Variants in RBM38 observed in about 807,000 individuals in gnomAD.
RBM38 encodes the protein RNA-binding protein 38.
A neutral mutation model predicts 23.5 loss-of-function variants in RBM38; 11 were observed. The ratio of observed to expected loss-of-function variants is 0.47; its 90% CI spans 0.29 to 0.77. The LOEUF is 0.77. Among genes scored for constraint, RBM38 ranks in the 30% least tolerant of loss-of-function variants. RBM38 has a pLI of 0.08. For missense variants in RBM38, 330 were observed against 351.9 expected (o/e 0.94, Z 0.50); for synonymous variants, 165 against 166.1 (o/e 0.99, Z 0.05).
At chr20:57,405,279 G>A (rs1327992616) in intron 3 of RBM38, among the ~76,000 whole-genome samples, 1 of 152,232 alleles carries the variant, frequency 6.6e-6, no homozygotes. Context: ...GGGGCTCTGT[G>A]GTCTGCTCCT....
rs377081682 is a variant in RBM38, at chr20:57,407,658, G to T, written c.532G>T (p.Ala178Ser). Residue 178 changes from alanine to serine, a missense_variant, in exon 4 of 4, where the codon GCC becomes TCC. Ala to Ser is a moderately conservative substitution (Grantham distance 99, BLOSUM62 1). This residue lies in a region of RBM38 where 227 missense variants were observed against 216.4 expected (regional missense o/e 1.05). Coordinates refer to ENST00000356208, the MANE Select transcript of RBM38 (RefSeq NM_017495.6). The surrounding 1 kb of genome is among the most constrained non-coding windows in gnomAD (Gnocchi z 4.0). ...PYIEYTPASPAYAQYPPATYD... is the reference protein window; with the variant it reads ...PYIEYTPASPSYAQYPPATYD... ...CATTGAGTACACGCCGGCCAGCCCG[G>T]CCTACGCCCAGTACCCACCGGCCAC... The T allele has an allele frequency of 2.8e-5, 45 of 1,613,244 alleles. No homozygotes were observed. Among genetic ancestry groups the T allele is most frequent in the Non-Finnish European group, 3.5e-5 (41 of 1,179,842 alleles).
chr20:57,405,991 A>AG (rs2067379575), intron 3 of RBM38, among the ~76,000 whole-genome samples: 1 of 152,152 alleles, frequency 6.6e-6, no homozygotes, highest in Admixed American at 6.5e-5. Flanking sequence ...GCTTCCCTTG[A>AG]GGGGGGCCCC....
At chr20:57,401,951 C>T (rs532808521) in intron 3 of RBM38, among the ~76,000 whole-genome samples, 7 of 152,090 alleles carry the variant, frequency 4.6e-5, no homozygotes, top group South Asian at 4.2e-4. Context: ...TTGATGTTTT[C>T]GTTTGTTTGT....
intron 3 of RBM38, among the ~76,000 whole-genome samples, chr20:57,396,486 G>A (rs2146206421): frequency 6.6e-6 from 1 of 152,336 alleles, no homozygotes; most frequent in South Asian, 2.1e-4. Context: ...AGGGCACCGG[G>A]AGCAGAGGTT....
rs1392609922 is a variant in RBM38 at position 57,407,419 on chromosome 20, A to C, written c.417-124A>C. On this transcript the variant is annotated intron_variant, in intron 3 of 3. Coordinates refer to ENST00000356208, the MANE Select transcript of RBM38 (RefSeq NM_017495.6). This position sits in a 1 kb window ranked among gnomAD's most constrained non-coding sequence, Gnocchi z 4.0. The stretch of plus-strand genomic sequence containing the variant: ...CTGGCCAGGTGCTGTTTCTGTGCCC[A>C]TCTGACCGATGAGGAAAGTCGGGGC... The C allele has an allele frequency of 8.8e-7, 1 of 1,142,664 alleles. No individual in the cohort carries two copies. Among genetic ancestry groups the C allele is most frequent in the Admixed American group, 2.2e-5 (1 of 46,430 alleles). 70.8% of individuals were successfully genotyped at this position (1,142,664 alleles called of 1,614,324 possible). A position where few individuals can be genotyped will look rare whatever the true frequency, so the allele number is the denominator to read the frequency against.
rs73291901 is a variant in RBM38 at position 57,395,750 on chromosome 20, C to T, written c.416+2417C>T. ...CAGCTGTCTGCCCCCAGCCCCCGCCCGCTGACGGAGCTGGAGAGCTGGGCC... is the reference window on the plus strand; with the variant it reads ...CAGCTGTCTGCCCCCAGCCCCCGCCTGCTGACGGAGCTGGAGAGCTGGGCC... On this transcript the variant is annotated intron_variant, in intron 3 of 3. Coordinates refer to ENST00000356208, the MANE Select transcript of RBM38 (RefSeq NM_017495.6). Among the ~76,000 whole-genome samples the T allele has an allele frequency of 8.8e-3, 1,347 of 152,248 alleles. 21 individuals are homozygous for T. The highest frequency in any genetic ancestry group is 0.03 in the African/African-American group (1,260 of 41,542).
At chr20:57,398,695 C>T (rs746173055) in intron 3 of RBM38, among the ~76,000 whole-genome samples, 1 of 152,254 alleles carries the variant, frequency 6.6e-6, no homozygotes, top group Non-Finnish European at 1.5e-5. Flanking sequence ...GTGGCGGGGG[C>T]TCTTCTCCGA....
At chr20:57,403,577 A>C (rs6099605) in intron 3 of RBM38, among the ~76,000 whole-genome samples, 95 of 151,424 alleles carry the variant, frequency 6.3e-4, no homozygotes, top group African/African-American at 2.1e-3. Flanking sequence ...GCCTCTCTGA[A>C]CCTCGGATTT....
chr20:57,400,244 CTG>C (rs1447382547), intron 3 of RBM38, among the ~76,000 whole-genome samples: 11 of 152,208 alleles, frequency 7.2e-5, no homozygotes, highest in Non-Finnish European at 1.5e-5. Flanking sequence ...CCCTGAGTCT[CTG>C]TGGACAGAGT....
chr20:57,391,629 G>A lies in RBM38; in HGVS notation c.48G>A (p.Arg16=). 1 of 1,455,048 alleles carries A rather than the reference G, an allele frequency of 6.9e-7. No individual in the cohort carries two copies. Among genetic ancestry groups the A allele is most frequent in the Admixed American group, 2.4e-5 (1 of 41,828 alleles). 90.1% of individuals were successfully genotyped at this position (1,455,048 alleles called of 1,614,324 possible). A position where few individuals can be genotyped will look rare whatever the true frequency, so the allele number is the denominator to read the frequency against. Residue 16 remains arginine, a synonymous_variant, in exon 1 of 4, where the codon CGG becomes CGA. Coordinates refer to ENST00000356208, the MANE Select transcript of RBM38 (RefSeq NM_017495.6). ...APCAPSAGFP[R]PLAAPGAMHG... is the part of the protein sequence containing the mutation. ...GCGCCCCGAGCGCGGGCTTCCCGCG[G>A]CCCCTGGCCGCCCCCGGCGCCATGC...
At chr20:57,398,629 C>T (rs941540445) in intron 3 of RBM38, among the ~76,000 whole-genome samples, 3 of 152,264 alleles carry the variant, frequency 2.0e-5, no homozygotes, top group East Asian at 1.9e-4. Flanking sequence ...CCTGGGCGGG[C>T]GCCCGTGCCG....
intron 3 of RBM38, among the ~76,000 whole-genome samples, chr20:57,406,855 G>A (rs929186849): frequency 5.9e-5 from 9 of 152,128 alleles, no homozygotes; most frequent in Admixed American, 5.9e-4. Flanking sequence ...TTAGCCGAGC[G>A]TGGTGGCGGG....
intron 3 of RBM38, among the ~76,000 whole-genome samples, chr20:57,395,738 C>T (rs1568807146): frequency 6.6e-6 from 1 of 152,122 alleles, no homozygotes; most frequent in African/African-American, 2.4e-5. Context: ...CTGTCTGCCC[C>T]CAGCCCCCGC....
intron 3 of RBM38, among the ~76,000 whole-genome samples, chr20:57,394,085 A>G (rs2067249204): frequency 6.6e-6 from 1 of 152,136 alleles, no homozygotes; most frequent in Non-Finnish European, 1.5e-5. Context: ...GCGCCGTGGC[A>G]TATTGATGGG....
At chr20:57,395,664 G>A (rs1047332422) in intron 3 of RBM38, among the ~76,000 whole-genome samples, 1 of 152,220 alleles carries the variant, frequency 6.6e-6, no homozygotes, top group African/African-American at 2.4e-5. Context: ...CCTTACTGAG[G>A]TGGGTAGGGG....
At chr20:57,396,442 C>CT (rs1462263577) in intron 3 of RBM38, among the ~76,000 whole-genome samples, 2 of 152,186 alleles carry the variant, frequency 1.3e-5, no homozygotes, top group African/African-American at 4.8e-5. Context: ...GAACGGTGCC[C>CT]TGTGTCAAGG....
chr20:57,408,038 C>T lies in RBM38; in HGVS notation c.*192C>T. 5 of 657,398 alleles carry T rather than the reference C, an allele frequency of 7.6e-6. No homozygotes were observed. Among genetic ancestry groups the T allele is most frequent in the South Asian group, 3.9e-5 (2 of 51,632 alleles). The allele number at this position is 657,398 out of a possible 1,614,324, so 40.7% of individuals were successfully genotyped here. ...GAGACGGCTTCTCTTTAATCTAGGT[C>T]CCATTGTGTCTTGAGGGAGGACTTT... On this transcript the variant is annotated 3_prime_UTR_variant, in exon 4 of 4. Transcript: ENST00000356208.
At chr20:57,391,884 C>G in intron 1 of RBM38, 66 bp downstream of exon 1, 1 of 1,243,034 alleles carries the variant, frequency 8.0e-7, no homozygotes, top group Non-Finnish European at 1.1e-6. Flanking sequence ...GGCGCCGAGT[C>G]CACTCCGGGG....
chr20:57,399,552 G>A (rs1378127817), intron 3 of RBM38, among the ~76,000 whole-genome samples: 1 of 152,242 alleles, frequency 6.6e-6, no homozygotes, highest in African/African-American at 2.4e-5. Flanking sequence ...TGGGGTGGAG[G>A]CAGCTGTGCA....
Sources: gnomAD v4.1 joint callset for allele counts (sites outside exome capture counted in the v4.1 genomes callset) on GRCh38, gnomAD v4.1.1 for gene constraint, gnomAD v4.1.1 regional missense constraint, Gnocchi (gnomAD v3.1) non-coding constraint, MANE v1.5 for transcripts, NCBI Gene and HGNC (gene_info 2026-07-23, HGNC 2026-07-21) for gene names.